CLSTN2: variants seen among roughly 807,000 people sequenced by gnomAD.
CLSTN2 encodes calsyntenin 2, also known as calsyntenin-2.
In CLSTN2, 48 loss-of-function variants were observed where a neutral mutation model predicts 101.2. The ratio of observed to expected loss-of-function variants is 0.47; its 90% CI spans 0.38 to 0.60. The LOEUF is 0.60. CLSTN2 is among the 20% of genes least tolerant of loss of function. The pLI is 0.00. For synonymous variants in CLSTN2, 481 were observed against 463.6 expected (o/e 1.04, Z -0.48); for missense variants, 1,160 against 1,238.2 (o/e 0.94, Z 0.95).
rs1559797170 is a variant in CLSTN2 at position 140,171,670 on chromosome 3, A to ATATATAATATATTAATATATAATATGTAT, written c.110-4278_110-4277insATAATATATTAATATATAATATGTATTAT. On this transcript the variant is annotated intron_variant, in intron 1 of 16. Coordinates refer to ENST00000458420, the MANE Select transcript of CLSTN2 (RefSeq NM_022131.3). ...TAATACGTATTATATATTATATATA[A>ATATATAATATATTAATATATAATATGTAT]TATGTATTATATATAATATATATTA... Among the ~76,000 whole-genome samples the ATATATAATATATTAATATATAATATGTAT allele has an allele frequency of 2.1e-4, 5 of 24,278 alleles. 1 individual carries two copies. Among genetic ancestry groups the ATATATAATATATTAATATATAATATGTAT allele is most frequent in the African/African-American group, 5.1e-4 (4 of 7,852 alleles). 15.9% of individuals were successfully genotyped at this position (24,278 alleles called of 152,430 possible).
chr3:140,025,439 TCCTG>T (rs933453889), intron 1 of CLSTN2, among the ~76,000 whole-genome samples: 1 of 152,176 alleles, frequency 6.6e-6, no homozygotes, highest in African/African-American at 2.4e-5. Context: ...AAGTTGCTCA[TCCTG>T]CCTGACCCTC....
At chr3:140,523,152 G>A (rs891013006) in intron 8 of CLSTN2, among the ~76,000 whole-genome samples, 13 of 152,038 alleles carry the variant, frequency 8.6e-5, no homozygotes, top group East Asian at 1.9e-4. Flanking sequence ...AGGCCTGGGC[G>A]TCTAACTTCT....
intron 1 of CLSTN2, among the ~76,000 whole-genome samples, chr3:140,135,160 AT>A (rs1376048191): frequency 1.0e-4 from 13 of 127,914 alleles, no homozygotes; most frequent in East Asian, 2.3e-4. Context: ...ATATATATAT[AT>A]AAAATATGCT....
At chr3:140,184,944 G>A (rs1370212148) in intron 2 of CLSTN2, among the ~76,000 whole-genome samples, 1 of 152,140 alleles carries the variant, frequency 6.6e-6, no homozygotes, top group African/African-American at 2.4e-5. Flanking sequence ...CACTCCAAGA[G>A]GAGAAGAATG....
chr3:140,287,280 G>C (rs2086903948), intron 2 of CLSTN2, among the ~76,000 whole-genome samples: 1 of 152,142 alleles, frequency 6.6e-6, no homozygotes, highest in South Asian at 2.1e-4. Flanking sequence ...CCAAAAAAAA[G>C]TGCACATCGC....
chr3:140,382,769 T>C (rs540275258), intron 2 of CLSTN2, among the ~76,000 whole-genome samples: 2 of 152,330 alleles, frequency 1.3e-5, no homozygotes, highest in East Asian at 3.9e-4. Context: ...GCTTACGGAC[T>C]GCTGGCTTCT....
At chr3:140,363,232 C>G (rs1008366486) in intron 2 of CLSTN2, among the ~76,000 whole-genome samples, 1 of 152,094 alleles carries the variant, frequency 6.6e-6, no homozygotes, top group Non-Finnish European at 1.5e-5. Context: ...TCACAGTAGA[C>G]TACATATTGT....
At chr3:140,153,202 C>T (rs952826872) in intron 1 of CLSTN2, among the ~76,000 whole-genome samples, 1 of 152,186 alleles carries the variant, frequency 6.6e-6, no homozygotes, top group Admixed American at 6.5e-5. Context: ...AGTTCTATAG[C>T]TTGTGTAGCC....
At chr3:140,102,608 T>C (rs548182069) in intron 1 of CLSTN2, among the ~76,000 whole-genome samples, 1 of 152,322 alleles carries the variant, frequency 6.6e-6, no homozygotes, top group South Asian at 2.1e-4. Flanking sequence ...TAAAACTCAA[T>C]TGAAAGCCAT....
chr3:140,573,531 G>A lies in CLSTN2; in HGVS notation c.*7278G>A, dbSNP rs1353847123. 1 of 152,148 alleles carries A rather than the reference G, an allele frequency of 6.6e-6. No individual in the cohort carries two copies. The highest frequency in any genetic ancestry group is 2.4e-5 in the African/African-American group (1 of 41,426). 9.4% of individuals were successfully genotyped at this position (152,148 alleles called of 1,614,324 possible). A position where few individuals can be genotyped will look rare whatever the true frequency, so the allele number is the denominator to read the frequency against. On this transcript the variant is annotated 3_prime_UTR_variant, in exon 17 of 17. Transcript: ENST00000458420. ...ACTATTGATTTATAGCTTAAACTCT[G>A]TGAAGGTCCACAGACCTTTGAAAGG...
At chr3:140,355,369 A>G (rs1345484170) in intron 2 of CLSTN2, among the ~76,000 whole-genome samples, 1 of 152,166 alleles carries the variant, frequency 6.6e-6, no homozygotes, top group Non-Finnish European at 1.5e-5. Flanking sequence ...GTTAAATGGG[A>G]ATATTAATAT....
chr3:140,292,602 G>C (rs915332564), intron 2 of CLSTN2, among the ~76,000 whole-genome samples: 5 of 152,190 alleles, frequency 3.3e-5, no homozygotes, highest in African/African-American at 9.6e-5. Context: ...CTACTGCATA[G>C]AGAAGAGAAT....
intron 7 of CLSTN2, among the ~76,000 whole-genome samples, chr3:140,462,153 T>C (rs1576581269): frequency 6.6e-6 from 1 of 152,332 alleles, no homozygotes; most frequent in East Asian, 1.9e-4. Context: ...TTTTTGCTTC[T>C]GTGTATATGT....
chr3:140,533,247 T>TTGAAGTA (rs1180404547), intron 9 of CLSTN2, among the ~76,000 whole-genome samples: 2 of 152,158 alleles, frequency 1.3e-5, no homozygotes, highest in Non-Finnish European at 2.9e-5. Context: ...TGGGTATGCT[T>TTGAAGTA]TGAAGTACCA....
chr3:140,005,009 A>G (rs555740500), intron 1 of CLSTN2, among the ~76,000 whole-genome samples: 23 of 152,018 alleles, frequency 1.5e-4, no homozygotes, highest in African/African-American at 5.1e-4. Flanking sequence ...TCTGTCTCCT[A>G]TGGCCATTGT....
intron 1 of CLSTN2, among the ~76,000 whole-genome samples, chr3:139,951,231 C>T (rs2107810422): frequency 6.6e-6 from 1 of 152,220 alleles, no homozygotes; most frequent in South Asian, 2.1e-4. Context: ...TAAGAGGTAC[C>T]CAAGAAGTAT....
At chr3:140,453,734 A>G (rs1933311210) in intron 6 of CLSTN2, among the ~76,000 whole-genome samples, 1 of 152,234 alleles carries the variant, frequency 6.6e-6, no homozygotes, top group Non-Finnish European at 1.5e-5. Context: ...ATAAATATGT[A>G]CAATTGTTAT....
At chr3:140,558,586 A>G in intron 11 of CLSTN2, 54 bp from the exon 12 acceptor site, 1 of 1,481,148 alleles carries the variant, frequency 6.8e-7, no homozygotes, top group Non-Finnish European at 9.4e-7. Flanking sequence ...TGGCTGTATG[A>G]CAGATGGTTT....
At chr3:140,066,324 A>T (rs1181396739) in intron 1 of CLSTN2, among the ~76,000 whole-genome samples, 1 of 152,166 alleles carries the variant, frequency 6.6e-6, no homozygotes. Context: ...CATAGCCTCC[A>T]CCATGGTGTT....
Sources: allele counts gnomAD v4.1 joint callset (sites outside exome capture counted in the v4.1 genomes callset), GRCh38; gene constraint gnomAD v4.1.1; transcripts MANE v1.5; gene names NCBI Gene and HGNC (gene_info 2026-07-23, HGNC 2026-07-21).